MGAT4C: variants seen among roughly 807,000 people sequenced by gnomAD.
MGAT4C encodes MGAT4 family member C.
A neutral mutation model predicts 40.1 loss-of-function variants in MGAT4C; 19 were observed. That is an observed-to-expected ratio of 0.47 (90% CI 0.33 to 0.70). The LOEUF is 0.70. Among genes scored for constraint, MGAT4C ranks in the 30% least tolerant of loss-of-function variants. MGAT4C has a pLI of 0.02. For missense variants in MGAT4C, 491 were observed against 563.2 expected (o/e 0.87, Z 1.30); for synonymous variants, 181 against 187.1 (o/e 0.97, Z 0.27).
At chr12:86,020,059 T>C (rs1889530161) in intron 2 of MGAT4C, among the ~76,000 whole-genome samples, 1 of 152,200 alleles carries the variant, frequency 6.6e-6, no homozygotes, top group Non-Finnish European at 1.5e-5. Context: ...GAGACTTCGC[T>C]GAAGTTGCCT....
At chr12:86,497,444 T>C (rs932099934) in intron 2 of MGAT4C, among the ~76,000 whole-genome samples, 1 of 151,986 alleles carries the variant, frequency 6.6e-6, no homozygotes, top group Non-Finnish European at 1.5e-5. Flanking sequence ...GTTACTTTTA[T>C]TGTGCTCATT....
chr12:86,758,817 A>C (rs146700864), intron 1 of MGAT4C, among the ~76,000 whole-genome samples: 4 of 152,184 alleles, frequency 2.6e-5, no homozygotes, highest in Admixed American at 1.3e-4. Flanking sequence ...TGATACACGG[A>C]TGCATTGTGT....
chr12:86,720,604 C>G (rs538349229), intron 2 of MGAT4C, among the ~76,000 whole-genome samples: 1 of 152,144 alleles, frequency 6.6e-6, no homozygotes, highest in African/African-American at 2.4e-5. Flanking sequence ...AAGTCTCACT[C>G]AATCATCCAA....
At chr12:86,009,054 T>A (rs1888192613) in intron 2 of MGAT4C, among the ~76,000 whole-genome samples, 1 of 152,294 alleles carries the variant, frequency 6.6e-6, no homozygotes, top group Middle Eastern at 3.4e-3. Context: ...TTTTCCAATA[T>A]TGTTGTCAGC....
intron 2 of MGAT4C, among the ~76,000 whole-genome samples, chr12:86,551,957 C>T (rs1229375523): frequency 1.3e-5 from 2 of 151,172 alleles, no homozygotes; most frequent in Non-Finnish European, 1.5e-5. Context: ...CTAGAAAACC[C>T]CCTCCATAAA....
intron 3 of MGAT4C, among the ~76,000 whole-genome samples, chr12:86,376,885 G>A (rs1052557835): frequency 1.3e-5 from 2 of 151,154 alleles, no homozygotes; most frequent in Non-Finnish European, 3.0e-5. Flanking sequence ...AAGAGAAAGA[G>A]AGCTGTTGAG....
chr12:86,035,092 C>G (rs1891106611), intron 2 of MGAT4C, among the ~76,000 whole-genome samples: 1 of 149,882 alleles, frequency 6.7e-6, no homozygotes, highest in African/African-American at 2.4e-5. Context: ...GGGTACATAC[C>G]CAGTAATGGG....
At chr12:86,014,675 T>C (rs558285663) in intron 2 of MGAT4C, among the ~76,000 whole-genome samples, 58 of 152,156 alleles carry the variant, frequency 3.8e-4, no homozygotes, top group Non-Finnish European at 7.8e-4. Flanking sequence ...TGGCAAGAAT[T>C]GGGGGAAGAA....
chr12:86,767,230 C>A (rs1466269004), intron 1 of MGAT4C, among the ~76,000 whole-genome samples: 1 of 152,120 alleles, frequency 6.6e-6, no homozygotes, highest in Admixed American at 6.5e-5. Context: ...GAGAATACTA[C>A]AAACACCTCT....
chr12:86,278,561 C>T (rs773315696), intron 4 of MGAT4C, among the ~76,000 whole-genome samples: 4 of 151,994 alleles, frequency 2.6e-5, no homozygotes, highest in Non-Finnish European at 5.9e-5. Context: ...TATCTTGCTA[C>T]TGTACTGAAT....
At chr12:86,092,470 A>G (rs1391474136) in intron 1 of MGAT4C, among the ~76,000 whole-genome samples, 1 of 152,122 alleles carries the variant, frequency 6.6e-6, no homozygotes, top group African/African-American at 2.4e-5. Flanking sequence ...TCACAAGAAC[A>G]CAGTTATAAT....
chr12:86,311,472 C>A (rs1954072141), intron 4 of MGAT4C, among the ~76,000 whole-genome samples: 1 of 70,020 alleles, frequency 1.4e-5, no homozygotes, highest in East Asian at 1.1e-3. Flanking sequence ...TTGCTTTGGT[C>A]TAAACTAATT....
At chr12:86,492,540 T>A (rs1032351554) in intron 2 of MGAT4C, among the ~76,000 whole-genome samples, 44 of 152,248 alleles carry the variant, frequency 2.9e-4, no homozygotes, top group Non-Finnish European at 4.9e-4. Flanking sequence ...AAACAAGCAA[T>A]GGGGAAAGGA....
At chr12:86,801,608 T>C (rs1952226936) in intron 1 of MGAT4C, among the ~76,000 whole-genome samples, 1 of 151,764 alleles carries the variant, frequency 6.6e-6, no homozygotes, top group Non-Finnish European at 1.5e-5. Flanking sequence ...GGAGTACAGA[T>C]GGGCAGCTGA....
chr12:86,756,002 A>AAT (rs1033891309), intron 1 of MGAT4C, among the ~76,000 whole-genome samples: 18 of 151,498 alleles, frequency 1.2e-4, no homozygotes, highest in Admixed American at 4.0e-4. Context: ...AATATTTTAA[A>AAT]ATATATATAT....
chr12:86,817,631 T>C (rs755607524), intron 1 of MGAT4C, among the ~76,000 whole-genome samples: 2 of 151,692 alleles, frequency 1.3e-5, no homozygotes, highest in Non-Finnish European at 1.5e-5. Context: ...AGCATTAAAG[T>C]TCAGAATCAT....
At chr12:86,199,803 G>A (rs948919435) in intron 1 of MGAT4C, among the ~76,000 whole-genome samples, 1 of 151,964 alleles carries the variant, frequency 6.6e-6, no homozygotes, top group Non-Finnish European at 1.5e-5. Flanking sequence ...ATATCAAAGA[G>A]CTAAAAACTC....
chr12:86,002,738 A>G (rs1275406118), intron 2 of MGAT4C, among the ~76,000 whole-genome samples: 1 of 150,140 alleles, frequency 6.7e-6, no homozygotes, highest in African/African-American at 2.4e-5. Flanking sequence ...AGTAATATAT[A>G]TGATTATATA....
chr12:86,563,636 C>T (rs1378747014), intron 2 of MGAT4C, among the ~76,000 whole-genome samples: 1 of 152,164 alleles, frequency 6.6e-6, no homozygotes, highest in Admixed American at 6.5e-5. Context: ...CATCCTTCCC[C>T]AAGGAGACCT....
Sources: allele counts gnomAD v4.1 joint callset (sites outside exome capture counted in the v4.1 genomes callset), GRCh38; gene constraint gnomAD v4.1.1; transcripts MANE v1.5; gene names NCBI Gene and HGNC (gene_info 2026-07-23, HGNC 2026-07-21).